Variants in UVRAG observed in about 807,000 individuals in gnomAD.
The protein encoded by UVRAG is UV radiation resistance associated, also known as UV radiation resistance-associated gene protein.
UVRAG carries 19 observed loss-of-function variants against 78.0 expected under a neutral mutation model. The ratio of observed to expected loss-of-function variants is 0.24; its 90% CI spans 0.17 to 0.36. UVRAG has a LOEUF of 0.36. UVRAG is among the 10% of genes least tolerant of loss of function. The pLI, the probability that UVRAG is intolerant of heterozygous loss-of-function variation, is 1.00. For missense variants in UVRAG, 740 were observed against 853.8 expected (o/e 0.87, Z 1.66); for synonymous variants, 323 against 324.6 (o/e 1.00, Z 0.05).
chr11:75,891,722 C>G (rs1590982797), intron 5 of UVRAG, among the ~76,000 whole-genome samples: 1 of 152,218 alleles, frequency 6.6e-6, no homozygotes, highest in South Asian at 2.1e-4. Context: ...CCAGTCTGGG[C>G]AACGTAGCAA....
chr11:76,074,611 C>T (rs376693189), intron 13 of UVRAG, among the ~76,000 whole-genome samples: 5 of 152,184 alleles, frequency 3.3e-5, no homozygotes, highest in African/African-American at 4.8e-5. Flanking sequence ...TTGACCAAGT[C>T]TGTCTTTAGA....
intron 12 of UVRAG, among the ~76,000 whole-genome samples, chr11:76,027,765 A>C (rs1286594205): frequency 1.3e-5 from 2 of 152,158 alleles, no homozygotes; most frequent in East Asian, 3.8e-4. Flanking sequence ...AGATGGGCCT[A>C]ATAAAGGGCA....
Position 75,852,018 on chromosome 11 carries a change from CT to C in UVRAG, c.235+20del. On this transcript the variant is annotated intron_variant, in intron 2 of 14. Coordinates refer to ENST00000356136, the MANE Select transcript of UVRAG (RefSeq NM_003369.4). The stretch of plus-strand genomic sequence containing the variant: ...ATATAAAGGTAAGGGGATCTGTGGC[CT>C]TACTACCCACAGATTGTTATATTTT... 1 of 1,482,324 alleles carries C rather than the reference CT, an allele frequency of 6.7e-7. No homozygotes were observed. Among genetic ancestry groups the C allele is most frequent in the Non-Finnish European group, 9.3e-7 (1 of 1,080,112 alleles). 91.8% of individuals were successfully genotyped at this position (1,482,324 alleles called of 1,614,324 possible).
intron 5 of UVRAG, chr11:75,911,696 G>A (rs766953231): frequency 2.4e-5 from 7 of 289,972 alleles, no homozygotes; most frequent in African/African-American, 1.1e-4. Flanking sequence ...AGGGAAGGCC[G>A]CGGGACTCAG....
intron 7 of UVRAG, 51 bp downstream of exon 7, chr11:75,961,600 G>A: frequency 7.1e-7 from 1 of 1,409,136 alleles, no homozygotes; most frequent in Non-Finnish European, 9.6e-7. Context: ...CTAAAGGAGA[G>A]TATCATATTC....
intron 9 of UVRAG, among the ~76,000 whole-genome samples, chr11:76,006,842 T>G (rs1293049055): frequency 6.6e-6 from 1 of 152,154 alleles, no homozygotes; most frequent in African/African-American, 2.4e-5. Flanking sequence ...AGATCTTTCT[T>G]GAAATCAAAT....
chr11:76,134,029 C>CT (rs199685941), intron 14 of UVRAG, among the ~76,000 whole-genome samples: 3,027 of 150,588 alleles, frequency 0.02, 116 homozygotes, highest in African/African-American at 0.07. Context: ...TCTCGGTTCA[C>CT]GCAACCTCCA....
At chr11:75,928,518 A>T (rs1162519030) in intron 6 of UVRAG, among the ~76,000 whole-genome samples, 1 of 152,080 alleles carries the variant, frequency 6.6e-6, no homozygotes, top group Admixed American at 6.6e-5. Context: ...TAATCCCAGA[A>T]ATTTGGGAGG....
chr11:76,081,122 A>G (rs1297034454), intron 13 of UVRAG, among the ~76,000 whole-genome samples: 2 of 152,188 alleles, frequency 1.3e-5, no homozygotes, highest in African/African-American at 4.8e-5. Context: ...AAAGAGCTCT[A>G]GATTGTGTTC....
At chr11:76,039,574 T>C (rs989660936) in intron 12 of UVRAG, among the ~76,000 whole-genome samples, 1 of 152,148 alleles carries the variant, frequency 6.6e-6, no homozygotes, top group Non-Finnish European at 1.5e-5. Context: ...CCTAGCAATA[T>C]GGTTAATAAA....
chr11:76,049,308 G>A (rs1410058574), intron 12 of UVRAG, among the ~76,000 whole-genome samples: 1 of 152,194 alleles, frequency 6.6e-6, no homozygotes, highest in African/African-American at 2.4e-5. Flanking sequence ...AAGCAATAAT[G>A]TATATAATAT....
chr11:75,987,974 G>T (rs1949533354), intron 8 of UVRAG, among the ~76,000 whole-genome samples: 1 of 152,118 alleles, frequency 6.6e-6, no homozygotes, highest in African/African-American at 2.4e-5. Context: ...CTGACCTCAG[G>T]TGATCTGCCC....
intron 11 of UVRAG, among the ~76,000 whole-genome samples, chr11:76,013,318 G>A (rs975941628): frequency 6.6e-6 from 1 of 152,078 alleles, no homozygotes; most frequent in African/African-American, 2.4e-5. Context: ...TGAGGAAACT[G>A]GGTTTTAATT....
intron 6 of UVRAG, among the ~76,000 whole-genome samples, chr11:75,934,500 G>A (rs945083912): frequency 2.6e-5 from 4 of 152,130 alleles, no homozygotes; most frequent in Admixed American, 6.5e-5. Context: ...ATAACTAAAA[G>A]TATAATTGGA....
At position 76,007,913 on chromosome 11, in the gene UVRAG, C is replaced by CT. The variant is rs1387477321; in HGVS notation, c.999+304dup. 2.9e-3 allele frequency among the ~76,000 whole-genome samples: 427 copies of CT among 145,270 alleles called. 2 individuals are homozygous for CT. Among genetic ancestry groups the CT allele is most frequent in the African/African-American group, 6.8e-3 (274 of 40,056 alleles). On this transcript the variant is annotated intron_variant, in intron 10 of 14. Coordinates refer to ENST00000356136, the MANE Select transcript of UVRAG (RefSeq NM_003369.4). The stretch of plus-strand genomic sequence containing the variant: ...TTAACCACATTATCCATTATCACCA[C>CT]TTTTTTTTTTTTGAGACGGAGTTTC...
chr11:76,099,595 A>G (rs1254565162), intron 13 of UVRAG, among the ~76,000 whole-genome samples: 2 of 152,150 alleles, frequency 1.3e-5, no homozygotes, highest in African/African-American at 4.8e-5. Flanking sequence ...AGGTCTTCCT[A>G]TTCAAGAATA....
chr11:75,881,463 C>T (rs1052688917), intron 4 of UVRAG, among the ~76,000 whole-genome samples: 2 of 152,170 alleles, frequency 1.3e-5, no homozygotes, highest in African/African-American at 4.8e-5. Context: ...ATTAGCCATT[C>T]CAAAGGCGGC....
intron 3 of UVRAG, among the ~76,000 whole-genome samples, chr11:75,865,104 A>G (rs1213681877): frequency 1.3e-5 from 2 of 152,096 alleles, no homozygotes; most frequent in Admixed American, 6.5e-5. Flanking sequence ...CCTGACCAAC[A>G]TGGAGAATCC....
intron 6 of UVRAG, among the ~76,000 whole-genome samples, chr11:75,925,120 C>T (rs956351344): frequency 4.6e-5 from 7 of 152,122 alleles, no homozygotes; most frequent in African/African-American, 9.7e-5. Flanking sequence ...GATGTCACTG[C>T]GAATTAAGGC....
Sources: gnomAD v4.1 joint callset for allele counts (sites outside exome capture counted in the v4.1 genomes callset) on GRCh38, gnomAD v4.1.1 for gene constraint, MANE v1.5 for transcripts, NCBI Gene and HGNC (gene_info 2026-07-23, HGNC 2026-07-21) for gene names.